Variants in PRCP observed in about 807,000 individuals in gnomAD.
The protein encoded by PRCP is lysosomal Pro-X carboxypeptidase.
In PRCP, 46 loss-of-function variants were observed where a neutral mutation model predicts 54.2. That is an observed-to-expected ratio of 0.85 (90% CI 0.67 to 1.09). PRCP has a LOEUF of 1.09. Ranked by LOEUF, PRCP falls within the 50% of genes least tolerant of loss-of-function variation. PRCP has a pLI of 0.00. For missense variants in PRCP, 613 were observed against 596.8 expected (o/e 1.03, Z -0.28); for synonymous variants, 240 against 212.2 (o/e 1.13, Z -1.14).
At chr11:82,838,335 T>C in intron 8 of PRCP, 52 bp downstream of exon 8, 2 of 1,505,410 alleles carry the variant, frequency 1.3e-6, no homozygotes, top group South Asian at 1.3e-5. Context: ...TTTTCAGATA[T>C]TCTACAAATG....
intron 2 of PRCP, chr11:82,858,834 G>C (rs1355983396): frequency 6.6e-6 from 1 of 152,102 alleles, no homozygotes; most frequent in Non-Finnish European, 1.5e-5. Flanking sequence ...GATTTCTCTT[G>C]TCACTGACCT....
intron 6 of PRCP, among the ~76,000 whole-genome samples, chr11:82,842,505 A>T (rs1253154019): frequency 1.3e-5 from 2 of 152,182 alleles, no homozygotes. Context: ...CGGGATGGGG[A>T]GCTGAAAAAC....
intron 1 of PRCP, among the ~76,000 whole-genome samples, chr11:82,875,207 C>T (rs1160186758): frequency 6.6e-6 from 1 of 152,184 alleles, no homozygotes; most frequent in African/African-American, 2.4e-5. Flanking sequence ...GCCTTACTGC[C>T]TCTCCCTTTC....
intron 1 of PRCP, among the ~76,000 whole-genome samples, chr11:82,876,499 T>C (rs935999534): frequency 1.3e-5 from 2 of 152,192 alleles, no homozygotes; most frequent in African/African-American, 4.8e-5. Context: ...TCAACTTGAA[T>C]TGTATCTCCC....
At chr11:82,898,554 G>A (rs1052755055) in intron 1 of PRCP, among the ~76,000 whole-genome samples, 2 of 152,114 alleles carry the variant, frequency 1.3e-5, no homozygotes, top group Non-Finnish European at 2.9e-5. Flanking sequence ...TATAAAACAG[G>A]TAAAAGCTGA....
intron 8 of PRCP, among the ~76,000 whole-genome samples, chr11:82,838,009 T>C (rs1034852642): frequency 6.6e-6 from 1 of 152,190 alleles, no homozygotes; most frequent in Non-Finnish European, 1.5e-5. Flanking sequence ...CCTCATTTAG[T>C]ACTTGGAACA....
chr11:82,860,230 A>T, intron 1 of PRCP, 113 bp from the exon 2 acceptor site: 1 of 687,646 alleles, frequency 1.5e-6, no homozygotes, highest in Non-Finnish European at 2.1e-6. Context: ...AATAATCACA[A>T]GAAATTTTAA....
intron 2 of PRCP, chr11:82,858,727 A>T (rs1000859680): frequency 9.9e-5 from 15 of 152,116 alleles, no homozygotes; most frequent in Admixed American, 9.2e-4. Context: ...GAGAAAAGAG[A>T]CAAGGCAGCC....
At chr11:82,884,925 T>C (rs1184700506) in intron 1 of PRCP, 1 of 1,609,546 alleles carries the variant, frequency 6.2e-7, no homozygotes, top group South Asian at 1.1e-5. Flanking sequence ...TAATATATTT[T>C]GAAAGGTTTT....
At chr11:82,847,005 T>C (rs1236484345) in intron 6 of PRCP, among the ~76,000 whole-genome samples, 1 of 152,228 alleles carries the variant, frequency 6.6e-6, no homozygotes, top group African/African-American at 2.4e-5. Context: ...CCATCCTCAA[T>C]TGTTTATGTA....
At chr11:82,855,068 C>T (rs1859052106) in intron 2 of PRCP, among the ~76,000 whole-genome samples, 1 of 152,038 alleles carries the variant, frequency 6.6e-6, no homozygotes, top group African/African-American at 2.4e-5. Context: ...CTATAAAAAG[C>T]CCAAAAACCC....
intron 1 of PRCP, among the ~76,000 whole-genome samples, chr11:82,887,670 C>G (rs966778117): frequency 1.3e-5 from 2 of 152,176 alleles, no homozygotes; most frequent in Admixed American, 6.5e-5. Flanking sequence ...TCCCCCAAGG[C>G]AGGTCATAGA....
In PRCP at chr11:82,900,316, G is replaced by A. The variant is rs1860240326; in HGVS notation, c.87C>T (p.Leu29=). ...GGTTGGTTGGCAAGTGTAGGCTGCC[G>A]AGGGCCCTTAAGGCCGGCCGGAGGG... is the stretch of plus-strand genomic sequence containing the variant. ...TIALRPALRA[L]GSLHLPTNPT... is the part of the protein sequence containing the mutation. The change falls in exon 1 of 9, where the codon CTC becomes CTT. Residue 29 remains leucine, a synonymous_variant. Transcript: ENST00000313010. 1.2e-6 allele frequency: 2 copies of A among 1,614,220 alleles called. No homozygotes were observed. Among genetic ancestry groups the A allele is most frequent in the African/African-American group, 1.3e-5 (1 of 75,072 alleles).
chr11:82,894,515 A>G (rs1030385799), intron 1 of PRCP, among the ~76,000 whole-genome samples: 1 of 152,240 alleles, frequency 6.6e-6, no homozygotes, highest in Admixed American at 6.5e-5. Flanking sequence ...ATCAGAGATC[A>G]GCAGATCCAA....
chr11:82,899,930 A>T, intron 1 of PRCP: 1 of 366,458 alleles, frequency 2.7e-6, no homozygotes, highest in Non-Finnish European at 5.0e-6. Context: ...GGGAAGGTCA[A>T]GGGAGTTCGG....
intron 3 of PRCP, among the ~76,000 whole-genome samples, chr11:82,852,728 G>T (rs576986301): frequency 6.6e-6 from 1 of 152,202 alleles, no homozygotes; most frequent in South Asian, 2.1e-4. Context: ...GGGCCAGTTG[G>T]CCTTAATGCA....
chr11:82,858,999 C>T (rs1437837885), intron 2 of PRCP, among the ~76,000 whole-genome samples: 1 of 152,120 alleles, frequency 6.6e-6, no homozygotes, highest in Non-Finnish European at 1.5e-5. Flanking sequence ...ATTCATATAC[C>T]AGTTAAACAA....
intron 8 of PRCP, chr11:82,836,963 A>G (rs574124991): frequency 3.3e-5 from 11 of 329,722 alleles, no homozygotes; most frequent in African/African-American, 2.0e-4. Context: ...GAGATATATC[A>G]AGGAATATGT....
chr11:82,831,638 C>T (rs184683605), intron 8 of PRCP, among the ~76,000 whole-genome samples: 6 of 152,270 alleles, frequency 3.9e-5, no homozygotes, highest in Middle Eastern at 3.4e-3. Context: ...AAAGCAATCA[C>T]ACTTGGATTC....
Sources: gnomAD v4.1 joint callset for allele counts (sites outside exome capture counted in the v4.1 genomes callset) on GRCh38, gnomAD v4.1.1 for gene constraint, MANE v1.5 for transcripts, NCBI Gene and HGNC (gene_info 2026-07-23, HGNC 2026-07-21) for gene names.